ASXL3: variants seen among roughly 807,000 people sequenced by gnomAD.
ASXL3 encodes the protein putative Polycomb group protein ASXL3.
A neutral mutation model predicts 170.6 loss-of-function variants in ASXL3; 34 were observed. That is an observed-to-expected ratio of 0.20 (90% CI 0.15 to 0.27). The LOEUF is 0.27. Among genes scored for constraint, ASXL3 ranks in the 10% least tolerant of loss-of-function variants. ASXL3 has a pLI of 1.00. For missense variants in ASXL3, 2,592 were observed against 2,695.3 expected (o/e 0.96, Z 0.85); for synonymous variants, 1,002 against 989.1 (o/e 1.01, Z -0.24).
chr18:33,641,068 C>T (rs1396486068), intron 2 of ASXL3, among the ~76,000 whole-genome samples: 1 of 151,920 alleles, frequency 6.6e-6, no homozygotes, highest in Non-Finnish European at 1.5e-5. Flanking sequence ...TTTTCTTTGT[C>T]ATGCCTGCAA....
At chr18:33,658,842 A>G (rs962818653) in intron 4 of ASXL3, among the ~76,000 whole-genome samples, 1 of 152,086 alleles carries the variant, frequency 6.6e-6, no homozygotes, top group Admixed American at 6.6e-5. Context: ...GGGTTAAGGA[A>G]AATGAATCAT....
chr18:33,687,489 G>C (rs2066615138), intron 8 of ASXL3, among the ~76,000 whole-genome samples: 1 of 152,134 alleles, frequency 6.6e-6, no homozygotes, highest in Admixed American at 6.5e-5. Context: ...TCTCTTTCTT[G>C]TTTTCCTCCT....
At chr18:33,653,746 G>C (rs549125982) in intron 4 of ASXL3, among the ~76,000 whole-genome samples, 2 of 151,918 alleles carry the variant, frequency 1.3e-5, no homozygotes, top group African/African-American at 4.8e-5. Flanking sequence ...ATGATCCGGG[G>C]GATAGAAATC....
intron 8 of ASXL3, among the ~76,000 whole-genome samples, chr18:33,722,449 T>G (rs1369873874): frequency 4.6e-5 from 7 of 152,126 alleles, no homozygotes; most frequent in African/African-American, 1.4e-4. Context: ...GGAGGAAGTT[T>G]TAGTGGTCTG....
At position 33,682,113 on chromosome 18, in the gene ASXL3, G is replaced by A. The variant is rs149404042; in HGVS notation, c.716-1292G>A. Among the ~76,000 whole-genome samples the A allele has an allele frequency of 6.3e-4, 96 of 152,226 alleles. No individual in the cohort carries two copies. In the East Asian group the frequency reaches 0.013, roughly 21 times the overall value. On this transcript the variant is annotated intron_variant, in intron 7 of 11. Coordinates refer to ENST00000269197, the MANE Select transcript of ASXL3 (RefSeq NM_030632.3). Reference sequence around the variant, plus strand: ...CAAACTGTTTCTGTCAAGGGCCAGCGAGTAAATACTATAGGCTTTACAGGC... The same window carrying A: ...CAAACTGTTTCTGTCAAGGGCCAGCAAGTAAATACTATAGGCTTTACAGGC...
At chr18:33,578,871 C>T in intron 1 of ASXL3, 186 bp downstream of exon 1, 1 of 240,320 alleles carries the variant, frequency 4.2e-6, no homozygotes. Flanking sequence ...CGTGCGCGCG[C>T]GGAGGGGCGC....
chr18:33,617,556 A>T (rs1369616555), intron 2 of ASXL3, among the ~76,000 whole-genome samples: 1 of 152,178 alleles, frequency 6.6e-6, no homozygotes, highest in Non-Finnish European at 1.5e-5. Context: ...TTTTATTTGA[A>T]ACCTTTGGTA....
chr18:33,602,820 T>G (rs1360911881), intron 1 of ASXL3, among the ~76,000 whole-genome samples: 3 of 126,180 alleles, frequency 2.4e-5, no homozygotes, highest in Admixed American at 7.9e-5. Context: ...TAAAATAACA[T>G]ATGTTGTGTG....
At chr18:33,603,942 T>C (rs1265026902) in intron 1 of ASXL3, among the ~76,000 whole-genome samples, 3 of 152,092 alleles carry the variant, frequency 2.0e-5, no homozygotes, top group Non-Finnish European at 4.4e-5. Flanking sequence ...TGGTTTGTAA[T>C]TACAATCTTC....
intron 5 of ASXL3, among the ~76,000 whole-genome samples, chr18:33,668,465 A>G (rs1274822610): frequency 2.0e-5 from 3 of 151,888 alleles, no homozygotes; most frequent in Admixed American, 1.3e-4. Flanking sequence ...ATCTTTTTAT[A>G]TAGTAGGCAT....
At chr18:33,694,142 A>T (rs754386839) in intron 8 of ASXL3, among the ~76,000 whole-genome samples, 3 of 152,170 alleles carry the variant, frequency 2.0e-5, no homozygotes, top group Non-Finnish European at 2.9e-5. Flanking sequence ...GCAGATAGGT[A>T]GAATTATAAC....
intron 6 of ASXL3, 100 bp downstream of exon 6, chr18:33,670,890 C>T (rs1313185510): frequency 1.4e-6 from 1 of 698,262 alleles, no homozygotes; most frequent in African/African-American, 1.9e-5. Flanking sequence ...CTGAATAATA[C>T]TTCCACTTGA....
chr18:33,595,223 G>T (rs1362605011), intron 1 of ASXL3, among the ~76,000 whole-genome samples: 1 of 152,134 alleles, frequency 6.6e-6, no homozygotes, highest in Non-Finnish European at 1.5e-5. Context: ...GACTCCCATT[G>T]TTGTAAAATG....
At chr18:33,698,233 G>A (rs1467398627) in intron 8 of ASXL3, among the ~76,000 whole-genome samples, 1 of 152,052 alleles carries the variant, frequency 6.6e-6, no homozygotes, top group Non-Finnish European at 1.5e-5. Context: ...TGCCAAGTGA[G>A]GACACAGCAA....
At chr18:33,689,028 C>T (rs903229749) in intron 8 of ASXL3, among the ~76,000 whole-genome samples, 1 of 151,912 alleles carries the variant, frequency 6.6e-6, no homozygotes, top group African/African-American at 2.4e-5. Flanking sequence ...GAGTCTTACC[C>T]TTTCACCCAG....
chr18:33,586,139 G>C (rs1318548496), intron 1 of ASXL3, among the ~76,000 whole-genome samples: 1 of 152,070 alleles, frequency 6.6e-6, no homozygotes, highest in Non-Finnish European at 1.5e-5. Context: ...ACTGAAATTG[G>C]ATCTTTGGGT....
Position 33,715,040 on chromosome 18 carries a change from C to T in ASXL3, c.880-16928C>T, listed in dbSNP as rs188639384. ...CTTCTAGCTGGTAGAAGGCCCTGCT[C>T]CTCCCTCAGTACACCCCCTTCAGTA... is the stretch of plus-strand genomic sequence containing the variant. On this transcript the variant is annotated intron_variant, in intron 8 of 11. Coordinates refer to ENST00000269197, the MANE Select transcript of ASXL3 (RefSeq NM_030632.3). Among the ~76,000 whole-genome samples, 20 of 152,258 alleles carry T rather than the reference C, an allele frequency of 1.3e-4. No individual in the cohort carries two copies. The East Asian group carries it at 3.3e-3, about 25-fold the overall frequency.
chr18:33,705,384 T>A (rs2066940026), intron 8 of ASXL3, among the ~76,000 whole-genome samples: 1 of 151,404 alleles, frequency 6.6e-6, no homozygotes, highest in South Asian at 2.1e-4. Context: ...TTAATTTAAC[T>A]GAAAATATTT....
rs568852783 is a variant in ASXL3 at position 33,598,141 on chromosome 18, T to G, written c.55-9453T>G. On this transcript the variant is annotated intron_variant, in intron 1 of 11. Coordinates refer to ENST00000269197, the MANE Select transcript of ASXL3 (RefSeq NM_030632.3). The stretch of plus-strand genomic sequence containing the variant: ...CTTAATTTTCATAATATTGTATTAA[T>G]CCTACATCTGCAAATATTGTTTTCA... Among the ~76,000 whole-genome samples, 3 of 152,306 alleles carry G rather than the reference T, an allele frequency of 2.0e-5. No individual in the cohort carries two copies. In the East Asian group the frequency reaches 5.8e-4, roughly 29 times the overall value.
Sources: gnomAD v4.1 joint callset for allele counts (sites outside exome capture counted in the v4.1 genomes callset) on GRCh38, gnomAD v4.1.1 for gene constraint, MANE v1.5 for transcripts, NCBI Gene and HGNC (gene_info 2026-07-23, HGNC 2026-07-21) for gene names.